DEPDC7: variants seen among roughly 807,000 people sequenced by gnomAD.
DEPDC7 encodes DEP domain containing 7.
In DEPDC7, 41 loss-of-function variants were observed where a neutral mutation model predicts 56.6. The observed-to-expected ratio is 0.72, with a 90% CI of 0.56 to 0.94. The LOEUF (loss-of-function observed/expected upper bound fraction) is 0.94, where lower values mean the gene tolerates loss of function less well. Ranked by LOEUF, DEPDC7 falls within the 40% of genes least tolerant of loss-of-function variation. The probability of loss-of-function intolerance (pLI) is 0.00; values close to 1 mark genes in which losing one functional copy is unlikely to be tolerated. For synonymous variants in DEPDC7, 185 were observed against 208.8 expected (o/e 0.89, Z 0.98); for missense variants, 522 against 596.3 (o/e 0.88, Z 1.30).
chr11:33,022,007 T>A (rs1414734044), intron 1 of DEPDC7, among the ~76,000 whole-genome samples: 1 of 152,196 alleles, frequency 6.6e-6, no homozygotes, highest in Non-Finnish European at 1.5e-5. Context: ...AATAAGTGAC[T>A]CAGCCTTGTC....
intron 2 of DEPDC7, among the ~76,000 whole-genome samples, 159 bp from the exon 3 acceptor site, chr11:33,027,527 G>T (rs763677063): frequency 8.5e-5 from 13 of 152,196 alleles, no homozygotes; most frequent in Non-Finnish European, 1.6e-4. Context: ...GCTTGAGAAA[G>T]AAGGTGGGTG....
chr11:33,025,622 C>T, intron 1 of DEPDC7, 37 bp from the exon 2 acceptor site: 1 of 1,570,676 alleles, frequency 6.4e-7, no homozygotes, highest in Non-Finnish European at 8.6e-7. Flanking sequence ...GAACAAGGTA[C>T]TAAATCCCAG....
chr11:33,020,956 A>T (rs1853517417), intron 1 of DEPDC7, among the ~76,000 whole-genome samples: 1 of 152,198 alleles, frequency 6.6e-6, no homozygotes, highest in African/African-American at 2.4e-5. Flanking sequence ...CTTTTAGAAA[A>T]TGCTTGACCA....
chr11:33,018,814 T>C (rs1360189279), intron 1 of DEPDC7, among the ~76,000 whole-genome samples: 1 of 152,236 alleles, frequency 6.6e-6, no homozygotes, highest in Admixed American at 6.5e-5. Flanking sequence ...ATCCAAGATA[T>C]TATATTACAT....
chr11:33,024,079 A>G (rs1222571752), intron 1 of DEPDC7, among the ~76,000 whole-genome samples: 1 of 152,248 alleles, frequency 6.6e-6, no homozygotes, highest in African/African-American at 2.4e-5. Context: ...TGAAAGGAAA[A>G]AAGGGAGGGA....
chr11:33,027,376 A>G (rs956211034), intron 2 of DEPDC7, among the ~76,000 whole-genome samples: 5 of 152,322 alleles, frequency 3.3e-5, no homozygotes, highest in African/African-American at 1.2e-4. Flanking sequence ...AGAATGCCCC[A>G]CAAAAAGATA....
intron 1 of DEPDC7, among the ~76,000 whole-genome samples, chr11:33,021,757 C>T (rs1456803420): frequency 6.6e-6 from 1 of 152,158 alleles, no homozygotes; most frequent in Non-Finnish European, 1.5e-5. Flanking sequence ...TGCATTGTAT[C>T]ATGCCTGGAG....
At chr11:33,027,097 C>T (rs956322039) in intron 2 of DEPDC7, among the ~76,000 whole-genome samples, 1 of 152,172 alleles carries the variant, frequency 6.6e-6, no homozygotes, top group African/African-American at 2.4e-5. Context: ...AACTTTGGAG[C>T]ATTTAGAAAA....
chr11:33,027,083 T>C (rs554543270), intron 2 of DEPDC7, among the ~76,000 whole-genome samples: 2 of 152,336 alleles, frequency 1.3e-5, no homozygotes, highest in Admixed American at 6.5e-5. Context: ...ATTTAGGAAT[T>C]TGGAACTTTG....
chr11:33,030,652 T>C (rs2419132), intron 4 of DEPDC7, among the ~76,000 whole-genome samples: 59,272 of 151,860 alleles, frequency 0.39, 11,700 homozygotes, highest in East Asian at 0.46. Context: ...GGCTCAATCT[T>C]GGCTCACTGC....
chr11:33,024,579 T>C (rs1445647755), intron 1 of DEPDC7, among the ~76,000 whole-genome samples: 1 of 152,206 alleles, frequency 6.6e-6, no homozygotes, highest in African/African-American at 2.4e-5. Context: ...GCTACACACC[T>C]AGGCTATGTG....
At chr11:33,017,874 A>T (rs113471873) in intron 1 of DEPDC7, among the ~76,000 whole-genome samples, 12 of 152,370 alleles carry the variant, frequency 7.9e-5, no homozygotes, top group Non-Finnish European at 2.9e-5. Flanking sequence ...TTTTAATACG[A>T]CAAACAAGAA....
intron 2 of DEPDC7, chr11:33,026,773 T>TTTTCTTTTC (rs1554938358): frequency 2.7e-5 from 4 of 146,566 alleles, no homozygotes; most frequent in Non-Finnish European, 3.0e-5. Context: ...TGGCTAATTT[T>TTTTCTTTTC]TTTTCTTTTC....
intron 1 of DEPDC7, chr11:33,016,296 G>C (rs1490771914): frequency 3.6e-6 from 5 of 1,394,442 alleles, no homozygotes; most frequent in Non-Finnish European, 1.8e-6. Flanking sequence ...CAACTTGACC[G>C]CGCGTTGGTC....
chr11:33,017,095 G>A (rs1853472274), intron 1 of DEPDC7, among the ~76,000 whole-genome samples: 1 of 152,122 alleles, frequency 6.6e-6, no homozygotes, highest in Non-Finnish European at 1.5e-5. Flanking sequence ...ACAGATTATG[G>A]TAGAGAACCA....
At chr11:33,018,533 C>T (rs1321469806) in intron 1 of DEPDC7, among the ~76,000 whole-genome samples, 1 of 152,148 alleles carries the variant, frequency 6.6e-6, no homozygotes, top group Non-Finnish European at 1.5e-5. Flanking sequence ...TGATTGAATA[C>T]TATTCAGAAC....
rs1301864954 is a variant in DEPDC7, at chr11:33,031,445, A to G, written c.850A>G (p.Ile284Val). The part of the protein sequence containing the change: ...EYLPDQMVVE[I>V]SRSFPEQPDR... ...CCTTCCAGACCAAATGGTGGTGGAA[A>G]TAAGCAGAAGCTTTCCTGAGCAACC... is the stretch of plus-strand genomic sequence containing the variant. The change falls in exon 5 of 9, where the codon ATA (isoleucine) becomes GTA (valine). Residue 284 changes from isoleucine (I) to valine (V), a missense_variant. By Grantham distance (29) the Ile-to-Val change is conservative. Coordinates refer to ENST00000241051, the MANE Select transcript of DEPDC7 (RefSeq NM_001077242.2). 1 of 1,614,118 alleles carries G rather than the reference A, an allele frequency of 6.2e-7. No homozygotes were observed. Among genetic ancestry groups the G allele is most frequent in the Non-Finnish European group, 8.5e-7 (1 of 1,180,042 alleles).
chr11:33,028,417 A>G (rs769698926), intron 3 of DEPDC7, 186 bp from the exon 4 acceptor site: 35 of 471,186 alleles, frequency 7.4e-5, no homozygotes, highest in Non-Finnish European at 7.4e-5. Flanking sequence ...TCCAAAGCCT[A>G]TTCTCCTACA....
chr11:33,027,836 TAAG>T (rs1279557925), intron 3 of DEPDC7, 23 bp downstream of exon 3: 19 of 1,508,916 alleles, frequency 1.3e-5, no homozygotes, highest in Admixed American at 2.8e-5. Flanking sequence ...TGAAGCAAAG[TAAG>T]AAGTAGAAGA....
Sources: gnomAD v4.1 joint callset for allele counts (sites outside exome capture counted in the v4.1 genomes callset) on GRCh38, gnomAD v4.1.1 for gene constraint, MANE v1.5 for transcripts, NCBI Gene and HGNC (gene_info 2026-07-23, HGNC 2026-07-21) for gene names.